Variants in MEGF11 observed in about 807,000 individuals in gnomAD.
MEGF11 encodes the protein multiple EGF like domains 11.
In MEGF11, 126 loss-of-function variants were observed where a neutral mutation model predicts 146.6. The observed-to-expected ratio is 0.86, with a 90% CI of 0.74 to 1.00. MEGF11 has a LOEUF of 1.00. MEGF11 is among the 50% of genes least tolerant of loss of function. The probability of loss-of-function intolerance (pLI) is 0.00; values close to 1 mark genes in which losing one functional copy is unlikely to be tolerated. For missense variants in MEGF11, 1,509 were observed against 1,521.2 expected, an observed-to-expected ratio of 0.99 and a Z score of 0.13; for synonymous variants, 532 against 583.4, an observed-to-expected ratio of 0.91 and a Z score of 1.27.
intron 1 of MEGF11, among the ~76,000 whole-genome samples, chr15:66,248,913 C>T (rs2092333792): frequency 1.3e-5 from 2 of 152,326 alleles, no homozygotes; most frequent in East Asian, 1.9e-4. Flanking sequence ...TTTGCTCCCT[C>T]TCAACTATAA....
At chr15:65,921,131 C>T (rs750396885) in intron 15 of MEGF11, among the ~76,000 whole-genome samples, 1 of 152,150 alleles carries the variant, frequency 6.6e-6, no homozygotes, top group Non-Finnish European at 1.5e-5. Context: ...CACACACTTG[C>T]AAAAATAGCC....
intron 10 of MEGF11, among the ~76,000 whole-genome samples, chr15:65,946,091 A>T (rs1443702609): frequency 1.3e-5 from 2 of 152,220 alleles, no homozygotes; most frequent in African/African-American, 4.8e-5. Context: ...CCTGGCCCAG[A>T]GTAAGTGCTA....
intron 1 of MEGF11, among the ~76,000 whole-genome samples, chr15:66,240,208 A>C (rs2092182101): frequency 6.6e-6 from 1 of 152,248 alleles, no homozygotes; most frequent in Non-Finnish European, 1.5e-5. Flanking sequence ...GGCCTTGCTC[A>C]GAGGAAAGAC....
chr15:66,119,621 C>G (rs1327571061), intron 3 of MEGF11, among the ~76,000 whole-genome samples: 1 of 152,098 alleles, frequency 6.6e-6, no homozygotes, highest in Admixed American at 6.5e-5. Flanking sequence ...CTCACAGCCC[C>G]CTGAGTATTG....
chr15:66,111,921 A>G (rs542429354), intron 4 of MEGF11, among the ~76,000 whole-genome samples: 19 of 152,206 alleles, frequency 1.2e-4, no homozygotes, highest in Admixed American at 2.6e-4. Context: ...AGCCTTTACC[A>G]AACACAGCAT....
At chr15:66,135,804 G>T (rs751431892) in intron 1 of MEGF11, among the ~76,000 whole-genome samples, 8 of 152,100 alleles carry the variant, frequency 5.3e-5, no homozygotes, top group Non-Finnish European at 1.0e-4. Context: ...CTTTCCTATT[G>T]AATTCAAAGT....
Position 65,897,906 on chromosome 15 carries a change from C to A in MEGF11, c.*28G>T. On this transcript the variant is annotated 3_prime_UTR_variant, in exon 26 of 26. Transcript: ENST00000395614. ...TTCAGAGTCAGAATATTCAGTAGAG[C>A]ACACTGCAAGAGAGAAGCTTATCCC... The A allele has an allele frequency of 2.5e-6, 4 of 1,605,350 alleles. No homozygotes were observed. The highest frequency in any genetic ancestry group is 3.4e-6 in the Non-Finnish European group (4 of 1,175,088).
intron 1 of MEGF11, among the ~76,000 whole-genome samples, chr15:66,173,963 T>C (rs2141125058): frequency 6.6e-6 from 1 of 152,326 alleles, no homozygotes; most frequent in South Asian, 2.1e-4. Context: ...GACCCTGCCT[T>C]CCTCTATAGC....
intron 4 of MEGF11, among the ~76,000 whole-genome samples, chr15:66,102,414 T>C (rs1239470587): frequency 6.8e-6 from 1 of 147,492 alleles, no homozygotes; most frequent in Non-Finnish European, 1.5e-5. Flanking sequence ...CTGTTCTCTC[T>C]AACCATTTTA....
intron 5 of MEGF11, among the ~76,000 whole-genome samples, chr15:66,069,515 T>C (rs1293781396): frequency 6.6e-6 from 1 of 152,198 alleles, no homozygotes; most frequent in Non-Finnish European, 1.5e-5. Context: ...AAAGGAGAGA[T>C]TGAGGTAAAG....
At chr15:66,084,985 G>A (rs2086044848) in intron 5 of MEGF11, among the ~76,000 whole-genome samples, 1 of 152,190 alleles carries the variant, frequency 6.6e-6, no homozygotes, top group African/African-American at 2.4e-5. Context: ...GGGACGGGGT[G>A]CAGCACGGTG....
chr15:66,221,664 T>A (rs980225258), intron 1 of MEGF11, among the ~76,000 whole-genome samples: 6 of 151,686 alleles, frequency 4.0e-5, no homozygotes, highest in African/African-American at 1.2e-4. Flanking sequence ...TTTGTCTGAT[T>A]TCTGGGGTAC....
At chr15:66,155,585 G>A (rs536890665) in intron 1 of MEGF11, among the ~76,000 whole-genome samples, 5 of 152,220 alleles carry the variant, frequency 3.3e-5, no homozygotes, top group East Asian at 1.9e-4. Context: ...TGTTTCCAGC[G>A]TCCTACTCAA....
chr15:65,910,057 T>C (rs2078751235), intron 21 of MEGF11: 1 of 639,972 alleles, frequency 1.6e-6, no homozygotes, highest in East Asian at 3.1e-5. Context: ...CCTCCTGGGG[T>C]AGCTTGAGCC....
At chr15:65,943,418 C>T (rs143807736) in intron 10 of MEGF11, among the ~76,000 whole-genome samples, 259 of 152,254 alleles carry the variant, frequency 1.7e-3, no homozygotes, top group African/African-American at 5.7e-3. Context: ...CACAGGCTGG[C>T]AACTTCTCCA....
At chr15:65,930,381 G>C (rs1434043222) in intron 11 of MEGF11, among the ~76,000 whole-genome samples, 1 of 152,184 alleles carries the variant, frequency 6.6e-6, no homozygotes, top group Admixed American at 6.5e-5. Flanking sequence ...ACAGACTGGA[G>C]AGCGGGAGCA....
chr15:66,192,714 A>G (rs1190450950), intron 1 of MEGF11, among the ~76,000 whole-genome samples: 2 of 152,178 alleles, frequency 1.3e-5, no homozygotes, highest in East Asian at 3.9e-4. Context: ...CAGCCTTCCC[A>G]TAAAGGCAGG....
intron 1 of MEGF11, among the ~76,000 whole-genome samples, chr15:66,224,509 G>C (rs1042376723): frequency 6.6e-6 from 1 of 151,474 alleles, no homozygotes; most frequent in African/African-American, 2.4e-5. Flanking sequence ...ACTTGAACCC[G>C]GGAGGCGGAG....
intron 10 of MEGF11, among the ~76,000 whole-genome samples, chr15:65,932,414 C>T (rs540432427): frequency 3.9e-5 from 6 of 152,140 alleles, no homozygotes; most frequent in Admixed American, 6.5e-5. Context: ...TCCACTCTAC[C>T]GGTAAGTGGG....
Sources: gnomAD v4.1 joint callset for allele counts (sites outside exome capture counted in the v4.1 genomes callset) on GRCh38, gnomAD v4.1.1 for gene constraint, MANE v1.5 for transcripts, NCBI Gene and HGNC (gene_info 2026-07-23, HGNC 2026-07-21) for gene names.